Variants in CLASP1 observed in about 807,000 individuals in gnomAD.
CLASP1 encodes cytoplasmic linker associated protein 1.
In CLASP1, 38 loss-of-function variants were observed where a neutral mutation model predicts 192.3. The ratio of observed to expected loss-of-function variants is 0.20; its 90% confidence interval spans 0.15 to 0.26. The LOEUF (loss-of-function observed/expected upper bound fraction) is 0.26. Ranked by LOEUF, CLASP1 falls within the 10% of genes least tolerant of loss-of-function variation. CLASP1 has a pLI of 1.00. For missense variants in CLASP1, 1,433 were observed against 1,932.5 expected, an observed-to-expected ratio of 0.74 and a Z score of 4.85; for synonymous variants, 691 against 712.8, an observed-to-expected ratio of 0.97 and a Z score of 0.49.
intron 34 of CLASP1, 130 bp from the exon 36 acceptor site, chr2:121,367,961 A>G: frequency 8.5e-7 from 1 of 1,180,562 alleles, no homozygotes; most frequent in Non-Finnish European, 1.2e-6. Flanking sequence ...AAGGACAGCT[A>G]CTAGTACTGC....
chr2:121,496,193 T>A (rs552663978), intron 8 of CLASP1, among the ~76,000 whole-genome samples: 1 of 152,250 alleles, frequency 6.6e-6, no homozygotes. Context: ...CAGATATTTG[T>A]TGCCTAGTCC....
chr2:121,387,344 G>GT (rs911957870), intron 31 of CLASP1, 116 bp from the exon 33 acceptor site: 9,106 of 630,800 alleles, frequency 0.014, 14 homozygotes, highest in African/African-American at 0.026. Context: ...GCCCAGGATG[G>GT]TTTTTTTTTT....
intron 8 of CLASP1, among the ~76,000 whole-genome samples, chr2:121,498,478 A>G (rs1162471544): frequency 6.6e-6 from 1 of 152,194 alleles, no homozygotes; most frequent in Non-Finnish European, 1.5e-5. Context: ...AAGTGCTGAG[A>G]TTACAGGTGT....
chr2:121,529,351 A>T (rs926538217), intron 3 of CLASP1, among the ~76,000 whole-genome samples: 2 of 152,244 alleles, frequency 1.3e-5, no homozygotes, highest in African/African-American at 2.4e-5. Flanking sequence ...GTAAACCTCT[A>T]TTACATGAGA....
chr2:121,584,319 T>A (rs1037585751), intron 2 of CLASP1, among the ~76,000 whole-genome samples: 2 of 152,186 alleles, frequency 1.3e-5, no homozygotes, highest in African/African-American at 4.8e-5. Flanking sequence ...GACTAAGACG[T>A]TCTCTATGAT....
intron 8 of CLASP1, among the ~76,000 whole-genome samples, chr2:121,471,554 A>G (rs2149985362): frequency 6.6e-6 from 1 of 152,172 alleles, no homozygotes; most frequent in Admixed American, 6.5e-5. Context: ...TCCTTGATCT[A>G]GTTGCTTCTT....
chr2:121,520,621 T>C (rs771913359), intron 6 of CLASP1, among the ~76,000 whole-genome samples: 7 of 152,332 alleles, frequency 4.6e-5, no homozygotes, highest in South Asian at 2.1e-4. Flanking sequence ...GGGCCAGCAG[T>C]CAGCATGGGG....
intron 2 of CLASP1, among the ~76,000 whole-genome samples, chr2:121,597,638 A>G (rs552958986): frequency 4.0e-4 from 61 of 152,342 alleles, no homozygotes; most frequent in African/African-American, 1.4e-3. Flanking sequence ...ATTAGTAATT[A>G]AAAACACTAG....
At chr2:121,557,918 T>C (rs573957073) in intron 2 of CLASP1, among the ~76,000 whole-genome samples, 5 of 151,540 alleles carry the variant, frequency 3.3e-5, no homozygotes, top group African/African-American at 1.2e-4. Flanking sequence ...CCGTCTCTAC[T>C]AAAAATACTA....
chr2:121,569,339 A>C (rs567966361), intron 2 of CLASP1, among the ~76,000 whole-genome samples: 1 of 152,362 alleles, frequency 6.6e-6, no homozygotes, highest in South Asian at 2.1e-4. Flanking sequence ...AACCATTAGA[A>C]AGCCCTCTGA....
chr2:121,550,849 A>T (rs943971484), intron 2 of CLASP1, among the ~76,000 whole-genome samples: 1 of 152,154 alleles, frequency 6.6e-6, no homozygotes, highest in African/African-American at 2.4e-5. Context: ...AGGAGGAGGG[A>T]CTCCTACCCA....
chr2:121,428,354 C>T (rs1035761936), intron 20 of CLASP1, among the ~76,000 whole-genome samples: 1 of 152,238 alleles, frequency 6.6e-6, no homozygotes, highest in Non-Finnish European at 1.5e-5. Context: ...CAACCCTCAA[C>T]CCCCACAGAG....
chr2:121,614,112 C>T (rs2066065204), intron 1 of CLASP1, among the ~76,000 whole-genome samples: 2 of 152,286 alleles, frequency 1.3e-5, no homozygotes, highest in Non-Finnish European at 1.5e-5. Flanking sequence ...GGGAGGCTAC[C>T]AGGACTCCTG....
At chr2:121,422,838 G>A (rs904704091) in intron 22 of CLASP1, among the ~76,000 whole-genome samples, 2 of 152,094 alleles carry the variant, frequency 1.3e-5, no homozygotes, top group African/African-American at 4.8e-5. Flanking sequence ...AATTCTCAGT[G>A]CAAATTCCAA....
At chr2:121,478,738 CA>C in intron 8 of CLASP1, among the ~76,000 whole-genome samples, 1 of 92,952 alleles carries the variant, frequency 1.1e-5, no homozygotes. Flanking sequence ...ACCACACACA[CA>C]CCCCACACAC....
chr2:121,554,805 G>T (rs935915593), intron 2 of CLASP1, among the ~76,000 whole-genome samples: 19 of 152,124 alleles, frequency 1.2e-4, no homozygotes, highest in African/African-American at 4.6e-4. Flanking sequence ...GAAGATGGTT[G>T]CACAACTCTG....
intron 34 of CLASP1, among the ~76,000 whole-genome samples, chr2:121,368,231 C>T (rs2067828409): frequency 6.6e-6 from 1 of 152,138 alleles, no homozygotes; most frequent in South Asian, 2.1e-4. Flanking sequence ...CAGACAGAAG[C>T]TCCTCCAACC....
At chr2:121,456,249 C>G (rs918552962) in intron 14 of CLASP1, among the ~76,000 whole-genome samples, 26 of 151,460 alleles carry the variant, frequency 1.7e-4, no homozygotes, top group African/African-American at 6.3e-4. Context: ...TCTATAATCC[C>G]AGCACTTTGG....
intron 39 of CLASP1, among the ~76,000 whole-genome samples, chr2:121,341,343 G>A (rs539048252): frequency 6.6e-6 from 1 of 152,216 alleles, no homozygotes; most frequent in Non-Finnish European, 1.5e-5. Context: ...CGCTCCACAG[G>A]GGGGAAGTGG....
Sources: gnomAD v4.1 joint callset for allele counts (sites outside exome capture counted in the v4.1 genomes callset) on GRCh38, gnomAD v4.1.1 for gene constraint, MANE v1.5 for transcripts, NCBI Gene and HGNC (gene_info 2026-07-23, HGNC 2026-07-21) for gene names.